The following DYNC2I2 variants were observed in gnomAD, a reference collection of about 807,000 sequenced individuals.
The protein encoded by DYNC2I2 is cytoplasmic dynein 2 intermediate chain 2.
In DYNC2I2, 39 loss-of-function variants were observed where a neutral mutation model predicts 52.0. The ratio of observed to expected loss-of-function variants is 0.75; its 90% confidence interval spans 0.58 to 0.98. DYNC2I2 has a LOEUF of 0.98. Among genes scored for constraint, DYNC2I2 ranks in the 50% least tolerant of loss-of-function variants. The probability of loss-of-function intolerance (pLI) is 0.00; values close to 1 mark genes in which losing one functional copy is unlikely to be tolerated. For synonymous variants in DYNC2I2, 359 were observed against 321.1 expected (o/e 1.12, Z -1.26); for missense variants, 743 against 728.4 (o/e 1.02, Z -0.23).
At chr9:128,682,927 C>T in the DYNC2I2 span, among the ~76,000 whole-genome samples, 1 of 151,424 alleles carries the variant, frequency 6.6e-6, no homozygotes, top group Non-Finnish European at 1.5e-5. Flanking sequence ...CCGCCTGCCT[C>T]AGCCTCCCAA....
chr9:128,667,689 C>T, the DYNC2I2 span, among the ~76,000 whole-genome samples: 1 of 151,808 alleles, frequency 6.6e-6, no homozygotes, highest in African/African-American at 2.4e-5. Flanking sequence ...CCTGCCTCAG[C>T]TTCACGAGTT....
chr9:128,638,515 CA>C lies in DYNC2I2; in HGVS notation c.436-1489del, dbSNP rs34556335. 6.7e-3 allele frequency among the ~76,000 whole-genome samples: 908 copies of C among 135,220 alleles called. 10 individuals carry two copies. Among genetic ancestry groups the C allele is most frequent in the African/African-American group, 0.021 (773 of 36,394 alleles). 88.7% of individuals were successfully genotyped at this position (135,220 alleles called of 152,430 possible). A position where few individuals can be genotyped will look rare whatever the true frequency, so the allele number is the denominator to read the frequency against. On this transcript the variant is annotated intron_variant, in intron 2 of 8. Transcript: ENST00000372715. ...CTGGCGACAGAGCGAGACTCCATCT[CA>C]AAAAAAAAAAATGCATTTTGTAAAA...
chr9:128,656,762 G>T lies in DYNC2I2; in HGVS notation c.-36C>A. The T allele has an allele frequency of 7.5e-7, 1 of 1,325,052 alleles. No individual in the cohort carries two copies. The highest frequency in any genetic ancestry group is 9.6e-7 in the Non-Finnish European group (1 of 1,036,458). 82.1% of individuals were successfully genotyped at this position (1,325,052 alleles called of 1,614,324 possible). On this transcript the variant is annotated 5_prime_UTR_variant, in exon 1 of 9. It adds an upstream start codon to the 5' untranslated region. Coordinates refer to ENST00000372715, the MANE Select transcript of DYNC2I2 (RefSeq NM_052844.4). ...CCGCCCTCTCGTGCGGACGCACTCA[G>T]GCGCGACCTCCGCCCCTACGCCGCC...
chr9:128,662,029 A>G, the DYNC2I2 span, among the ~76,000 whole-genome samples: 1 of 150,050 alleles, frequency 6.7e-6, no homozygotes. Flanking sequence ...CGACAGAGCG[A>G]GACTCCATCT....
chr9:128,664,297 G>A, the DYNC2I2 span, among the ~76,000 whole-genome samples: 964 of 151,696 alleles, frequency 6.4e-3, 12 homozygotes, highest in African/African-American at 0.022. Flanking sequence ...TCCTCCCCAC[G>A]TCCTTGATGT....
chr9:128,669,007 G>C, the DYNC2I2 span, among the ~76,000 whole-genome samples: 2 of 151,870 alleles, frequency 1.3e-5, no homozygotes, highest in East Asian at 1.9e-4. Flanking sequence ...GAGGCCGGTG[G>C]ATCACCTGAG....
chr9:128,657,410 C>T (rs1444027691), upstream of DYNC2I2, among the ~76,000 whole-genome samples: 3 of 152,044 alleles, frequency 2.0e-5, no homozygotes, highest in Non-Finnish European at 2.9e-5. Flanking sequence ...GAAAGAATTG[C>T]TTTTTATACT....
At chr9:128,637,853 C>G (rs1180016817) in intron 2 of DYNC2I2, among the ~76,000 whole-genome samples, 1 of 152,138 alleles carries the variant, frequency 6.6e-6, no homozygotes, top group Non-Finnish European at 1.5e-5. Context: ...CACCAGCTGC[C>G]CAGGAAGTGG....
upstream of DYNC2I2, among the ~76,000 whole-genome samples, chr9:128,661,175 C>G (rs1860912556): frequency 6.7e-6 from 1 of 150,318 alleles, no homozygotes. Flanking sequence ...AACCCTGTCT[C>G]TACTAAAAAT....
chr9:128,676,936 C>T, the DYNC2I2 span, among the ~76,000 whole-genome samples: 1 of 151,878 alleles, frequency 6.6e-6, no homozygotes, highest in Admixed American at 6.6e-5. Flanking sequence ...GCAAGCTCCA[C>T]CTCCTGGGTT....
rs1220730929 is a variant in DYNC2I2 at position 128,651,236 on chromosome 9, A to G, written c.186+5305T>C. 5.0e-5 allele frequency: 3 copies of G among 60,450 alleles called. 1 individual carries two copies. In the Admixed American group the frequency reaches 5.6e-4, roughly 11 times the overall value. 3.7% of individuals were successfully genotyped at this position (60,450 alleles called of 1,614,324 possible). On this transcript the variant is annotated intron_variant, in intron 1 of 8. Transcript: ENST00000372715. ...CGTAACCCCATGATGTCTAAGCTTC[A>G]AAACTACCAGAAGGGCCGGGGGTAG...
chr9:128,682,207 C>A, the DYNC2I2 span, among the ~76,000 whole-genome samples: 21 of 151,976 alleles, frequency 1.4e-4, no homozygotes, highest in African/African-American at 5.1e-4. Context: ...TGCAACCACG[C>A]CCGGCTAATT....
At position 128,649,513 on chromosome 9, in the gene DYNC2I2, A is replaced by T. The variant is rs777057322; in HGVS notation, c.186+7028T>A. Among the ~76,000 whole-genome samples, 272 of 151,090 alleles carry T rather than the reference A, an allele frequency of 1.8e-3. 1 individual carries two copies. The highest frequency in any genetic ancestry group is 2.7e-3 in the Non-Finnish European group (182 of 67,818). ...AGACCAGCCTGGCCAACATGGTGAA[A>T]CCCTGCCTCTACTAAAAATACAAAA... On this transcript the variant is annotated intron_variant, in intron 1 of 8. Transcript: ENST00000372715.
chr9:128,644,978 A>G (rs2132165336), intron 1 of DYNC2I2, among the ~76,000 whole-genome samples: 1 of 152,258 alleles, frequency 6.6e-6, no homozygotes, highest in African/African-American at 2.4e-5. Flanking sequence ...GTGTGATTTG[A>G]CGGCTCCACT....
the DYNC2I2 span, among the ~76,000 whole-genome samples, chr9:128,674,688 A>G: frequency 2.0e-5 from 3 of 152,134 alleles, no homozygotes; most frequent in African/African-American, 7.2e-5. Context: ...GGTTGCAGTG[A>G]GCAGAGATTG....
intron 5 of DYNC2I2, 148 bp from the exon 6 acceptor site, chr9:128,635,407 G>A: frequency 2.8e-6 from 3 of 1,059,940 alleles, no homozygotes; most frequent in Non-Finnish European, 4.0e-6. Flanking sequence ...GGGCAGGCCT[G>A]GAGGGTTCCC....
At chr9:128,674,239 C>T in the DYNC2I2 span, among the ~76,000 whole-genome samples, 63 of 151,780 alleles carry the variant, frequency 4.2e-4, 2 homozygotes, top group East Asian at 0.012. Context: ...GGGTTTATAC[C>T]ATCTACTGTC....
chr9:128,678,618 C>T, the DYNC2I2 span, among the ~76,000 whole-genome samples: 2 of 151,100 alleles, frequency 1.3e-5, no homozygotes, highest in African/African-American at 4.8e-5. Flanking sequence ...CCCACCACCA[C>T]GCCCGCTTAA....
chr9:128,646,961 CTAAAAA>C (rs948569511), intron 1 of DYNC2I2, among the ~76,000 whole-genome samples: 1 of 152,084 alleles, frequency 6.6e-6, no homozygotes, highest in Non-Finnish European at 1.5e-5. Context: ...CCCGTCTCTA[CTAAAAA>C]TACAAAAATC....
Sources: gnomAD v4.1 joint callset for allele counts (sites outside exome capture counted in the v4.1 genomes callset) on GRCh38, gnomAD v4.1.1 for gene constraint, MANE v1.5 for transcripts, NCBI Gene and HGNC (gene_info 2026-07-23, HGNC 2026-07-21) for gene names.